DDB2: variants seen among roughly 807,000 people sequenced by gnomAD.
The protein encoded by DDB2 is damage specific DNA binding protein 2.
Under a neutral mutation model 50.5 loss-of-function variants are expected in DDB2, and 27 were observed. The observed-to-expected ratio is 0.53, with a 90% CI of 0.39 to 0.74. DDB2 has a LOEUF of 0.74. Among genes scored for constraint, DDB2 ranks in the 30% least tolerant of loss-of-function variants. DDB2 has a pLI of 0.00. For synonymous variants in DDB2, 176 were observed against 205.5 expected, an observed-to-expected ratio of 0.86 and a Z score of 1.23; for missense variants, 424 against 545.6, an observed-to-expected ratio of 0.78 and a Z score of 2.22.
At chr11:47,219,820 C>T (rs1457898500) in intron 3 of DDB2, among the ~76,000 whole-genome samples, 4 of 150,942 alleles carry the variant, frequency 2.7e-5, no homozygotes, top group Non-Finnish European at 5.9e-5. Context: ...TGGAGTCTCA[C>T]TCCGCCGCCC....
At chr11:47,215,453 C>A in intron 1 of DDB2, 190 bp downstream of exon 1, 2 of 724,270 alleles carry the variant, frequency 2.8e-6, no homozygotes, top group South Asian at 1.6e-5. Context: ...CGCTAGGTAA[C>A]AGGAAGCAGA....
At chr11:47,219,308 T>C (rs1953448082) in intron 3 of DDB2, among the ~76,000 whole-genome samples, 4 of 152,216 alleles carry the variant, frequency 2.6e-5, no homozygotes, top group Admixed American at 2.6e-4. Flanking sequence ...CATTTTAAAG[T>C]GCACAGTTCA....
At chr11:47,225,254 TA>T (rs10708891) in intron 3 of DDB2, among the ~76,000 whole-genome samples, 93,278 of 136,386 alleles carry the variant, frequency 0.68, 32,450 homozygotes, top group Middle Eastern at 0.81. Flanking sequence ...CCTGTGTCTT[TA>T]AAAAAAAAAA....
intron 3 of DDB2, among the ~76,000 whole-genome samples, chr11:47,219,824 G>A (rs1053612482): frequency 5.9e-5 from 9 of 151,962 alleles, no homozygotes; most frequent in Non-Finnish European, 2.9e-5. Context: ...GTCTCACTCC[G>A]CCGCCCAGGC....
At chr11:47,234,510 A>G in intron 4 of DDB2, 63 bp from the exon 5 acceptor site, 1 of 1,366,394 alleles carries the variant, frequency 7.3e-7, no homozygotes, top group Non-Finnish European at 1.0e-6. Context: ...CCGGAGCGGC[A>G]ACAGTGAGTA....
In DDB2 at chr11:47,239,202, A is replaced by C. The variant is rs1380268483; in HGVS notation, c.*353A>C. ...GTGCTCACTTTTGATATGGCCAATA[A>C]AACCATACCGACTGAGCTTCTGCGT... is the stretch of plus-strand genomic sequence containing the variant. On this transcript the variant is annotated 3_prime_UTR_variant, in exon 10 of 10. Coordinates refer to ENST00000256996, the MANE Select transcript of DDB2 (RefSeq NM_000107.3). 1 of 371,194 alleles carries C rather than the reference A, an allele frequency of 2.7e-6. No individual in the cohort carries two copies. The highest frequency in any genetic ancestry group is 5.1e-6 in the Non-Finnish European group (1 of 196,500). The allele number at this position is 371,194 out of a possible 1,614,324, so 23.0% of individuals were successfully genotyped here.
At chr11:47,223,962 C>T (rs1440663663) in intron 3 of DDB2, among the ~76,000 whole-genome samples, 1 of 151,914 alleles carries the variant, frequency 6.6e-6, no homozygotes, top group African/African-American at 2.4e-5. Context: ...TAAAAATTAG[C>T]TAGTGGCTTG....
At position 47,215,073 on chromosome 11, in the gene DDB2, G is replaced by A; in HGVS notation, c.-64G>A. 7 of 1,612,372 alleles carry A rather than the reference G, an allele frequency of 4.3e-6. No individual in the cohort carries two copies. The highest frequency in any genetic ancestry group is 5.9e-6 in the Non-Finnish European group (7 of 1,178,878). The stretch of plus-strand genomic sequence containing the variant: ...GTCCCCGCCTTGTTTCTCCCCAGAG[G>A]CCTCTCAATCCTCCCTCCATGATCT... On this transcript the variant is annotated 5_prime_UTR_variant, in exon 1 of 10. Transcript: ENST00000256996.
intron 3 of DDB2, among the ~76,000 whole-genome samples, chr11:47,218,894 T>TA (rs966698272): frequency 2.6e-4 from 39 of 152,118 alleles, no homozygotes; most frequent in South Asian, 2.1e-4. Context: ...TCTTGAGTTT[T>TA]AAAAAAAATT....
At chr11:47,219,611 A>G (rs1953453066) in intron 3 of DDB2, among the ~76,000 whole-genome samples, 1 of 151,872 alleles carries the variant, frequency 6.6e-6, no homozygotes, top group Non-Finnish European at 1.5e-5. Flanking sequence ...TGTCTTCCCA[A>G]ATTGCTCGGG....
At chr11:47,219,285 T>G (rs1953447474) in intron 3 of DDB2, among the ~76,000 whole-genome samples, 1 of 152,236 alleles carries the variant, frequency 6.6e-6, no homozygotes, top group African/African-American at 2.4e-5. Context: ...AACATGAAAT[T>G]TACTTTCGTA....
chr11:47,228,837 A>T (rs1034998660), intron 3 of DDB2, among the ~76,000 whole-genome samples: 1 of 151,084 alleles, frequency 6.6e-6, no homozygotes, highest in African/African-American at 2.4e-5. Flanking sequence ...TGAGCCTGTA[A>T]TCCCAGGTAC....
At chr11:47,235,000 C>T (rs1953704188) in intron 6 of DDB2, 66 bp downstream of exon 6, 6 of 1,570,712 alleles carry the variant, frequency 3.8e-6, no homozygotes, top group Admixed American at 1.7e-5. Flanking sequence ...GGGGTTTTCC[C>T]TCAGTGTGGA....
chr11:47,237,909 C>A lies in DDB2; in HGVS notation c.1096C>A (p.Pro366Thr), dbSNP rs1953759791. Residue 366 changes from proline to threonine, a missense_variant, in exon 8 of 10, where the codon CCT becomes ACT. Pro to Thr is a conservative substitution (Grantham distance 38). Coordinates refer to ENST00000256996, the MANE Select transcript of DDB2 (RefSeq NM_000107.3). ...AGATCCTAATTTCAAAAGTTGTACC[C>A]CTTATGAATTGAGGACGATCGACGT... is the stretch of plus-strand genomic sequence containing the variant. ...YPDPNFKSCTPYELRTIDVFD... is the reference protein window; with the variant it reads ...YPDPNFKSCTTYELRTIDVFD... 6.2e-7 allele frequency: 1 copy of A among 1,614,058 alleles called. No homozygotes were observed. The highest frequency in any genetic ancestry group is 8.5e-7 in the Non-Finnish European group (1 of 1,179,980).
chr11:47,236,825 CATCT>C (rs753060987), intron 7 of DDB2, among the ~76,000 whole-genome samples: 5 of 152,224 alleles, frequency 3.3e-5, no homozygotes, highest in Non-Finnish European at 7.3e-5. Context: ...CCCGATAATC[CATCT>C]GTCTGCATGT....
At chr11:47,224,250 C>T (rs149919159) in intron 3 of DDB2, among the ~76,000 whole-genome samples, 1 of 151,386 alleles carries the variant, frequency 6.6e-6, no homozygotes, top group Non-Finnish European at 1.5e-5. Flanking sequence ...TCTTTTGAGA[C>T]AAAGTCTCAC....
In DDB2 at chr11:47,215,029, G is replaced by A. The variant is rs532229410; in HGVS notation, c.-108G>A. 6.4e-6 allele frequency: 10 copies of A among 1,553,234 alleles called. No individual in the cohort carries two copies. The African/African-American group carries it at 1.4e-4, about 21-fold the overall frequency. On this transcript the variant is annotated 5_prime_UTR_variant, in exon 1 of 10. In the 5' UTR this introduces an upstream ATG that the reference lacks. Coordinates refer to ENST00000256996, the MANE Select transcript of DDB2 (RefSeq NM_000107.3). Reference sequence around the variant, plus strand: ...GGAAGTTGGCTTAGCTCGGCTACCTGTGGCCCCGCAGTTTTGTAGTCCCCG... The same window carrying A: ...GGAAGTTGGCTTAGCTCGGCTACCTATGGCCCCGCAGTTTTGTAGTCCCCG...
chr11:47,225,173 C>T (rs1183656676), intron 3 of DDB2, among the ~76,000 whole-genome samples: 1 of 151,386 alleles, frequency 6.6e-6, no homozygotes, highest in Non-Finnish European at 1.5e-5. Flanking sequence ...CTCCTAACCT[C>T]AAGTTATCCA....
chr11:47,217,338 T>A, intron 3 of DDB2: 1 of 272,722 alleles, frequency 3.7e-6, no homozygotes, highest in Non-Finnish European at 7.3e-6. Context: ...ATTGCACCAT[T>A]ACACTCCAGC....
Sources: gnomAD v4.1 joint callset for allele counts (sites outside exome capture counted in the v4.1 genomes callset) on GRCh38, gnomAD v4.1.1 for gene constraint, MANE v1.5 for transcripts, NCBI Gene and HGNC (gene_info 2026-07-23, HGNC 2026-07-21) for gene names.